Variants in KHDRBS2 observed in about 807,000 individuals in gnomAD.
KHDRBS2 encodes the protein KH domain-containing, RNA-binding, signal transduction-associated protein 2.
KHDRBS2 carries 26 observed loss-of-function variants against 44.3 expected under a neutral mutation model. That is an observed-to-expected ratio of 0.59 (90% confidence interval 0.43 to 0.81). KHDRBS2 has a LOEUF of 0.81. Ranked by LOEUF, KHDRBS2 falls within the 40% of genes least tolerant of loss-of-function variation. The pLI, the probability that KHDRBS2 is intolerant of heterozygous loss-of-function variation, is 0.00. For missense variants in KHDRBS2, 476 were observed against 433.1 expected, an observed-to-expected ratio of 1.10 and a Z score of -0.88; for synonymous variants, 194 against 151.1, an observed-to-expected ratio of 1.28 and a Z score of -2.08.
At chr6:62,063,563 T>C (rs1792644276) in intron 2 of KHDRBS2, among the ~76,000 whole-genome samples, 1 of 151,636 alleles carries the variant, frequency 6.6e-6, no homozygotes, top group African/African-American at 2.4e-5. Flanking sequence ...GAAAAAGCCT[T>C]TGACAAAATT....
intron 6 of KHDRBS2, among the ~76,000 whole-genome samples, chr6:61,848,568 T>C (rs1310602961): frequency 1.4e-5 from 1 of 72,456 alleles, no homozygotes; most frequent in Non-Finnish European, 2.7e-5. Context: ...TATATGTATA[T>C]ATATATACAT....
chr6:62,150,932 T>G (rs529633989), intron 2 of KHDRBS2, among the ~76,000 whole-genome samples: 2 of 152,320 alleles, frequency 1.3e-5, no homozygotes, highest in African/African-American at 4.8e-5. Context: ...TATTTATAAT[T>G]CATGTTTGAT....
chr6:62,070,585 C>T (rs901492828), intron 2 of KHDRBS2, among the ~76,000 whole-genome samples: 10 of 151,854 alleles, frequency 6.6e-5, no homozygotes, highest in Non-Finnish European at 1.0e-4. Context: ...TGAGAACACG[C>T]GGTGTTCGGT....
intron 6 of KHDRBS2, among the ~76,000 whole-genome samples, chr6:61,763,788 T>C (rs1454441489): frequency 6.6e-6 from 1 of 152,192 alleles, no homozygotes; most frequent in Non-Finnish European, 1.5e-5. Context: ...TCTGCACAAC[T>C]GGGCTGATAA....
At chr6:61,575,796 A>G in the KHDRBS2 span, among the ~76,000 whole-genome samples, 1 of 152,172 alleles carries the variant, frequency 6.6e-6, no homozygotes, top group Non-Finnish European at 1.5e-5. Flanking sequence ...AAATAATGGC[A>G]TCTGCAGCAA....
intron 2 of KHDRBS2, among the ~76,000 whole-genome samples, chr6:62,049,456 C>A (rs1242172660): frequency 8.7e-5 from 13 of 149,898 alleles, no homozygotes; most frequent in African/African-American, 2.4e-5. Flanking sequence ...TGAACCTAGG[C>A]TAGGAAGAGA....
chr6:62,123,643 C>A (rs1183857092), intron 2 of KHDRBS2, among the ~76,000 whole-genome samples: 1 of 152,158 alleles, frequency 6.6e-6, no homozygotes, highest in Admixed American at 6.5e-5. Context: ...ACTCAGCAAA[C>A]TACATTTGTT....
chr6:61,615,080 A>G, the KHDRBS2 span, among the ~76,000 whole-genome samples: 1 of 151,654 alleles, frequency 6.6e-6, no homozygotes, highest in South Asian at 2.1e-4. Flanking sequence ...TAAAAATACA[A>G]AAATTAGCCG....
At chr6:61,600,672 C>T in the KHDRBS2 span, among the ~76,000 whole-genome samples, 1 of 152,130 alleles carries the variant, frequency 6.6e-6, no homozygotes, top group Admixed American at 6.5e-5. Flanking sequence ...GGGACTTCTT[C>T]AGGAGATCAG....
chr6:61,902,963 G>T (rs1172072092), intron 4 of KHDRBS2, among the ~76,000 whole-genome samples: 6 of 152,124 alleles, frequency 3.9e-5, no homozygotes, highest in Non-Finnish European at 8.8e-5. Flanking sequence ...TTTATTTTTA[G>T]CATGTTGCTT....
At chr6:61,561,801 A>G in the KHDRBS2 span, among the ~76,000 whole-genome samples, 413 of 152,278 alleles carry the variant, frequency 2.7e-3, 2 homozygotes, top group African/African-American at 9.5e-3. Context: ...GTTTTGAGTC[A>G]GTCTACCAAT....
chr6:61,570,987 C>T, the KHDRBS2 span, among the ~76,000 whole-genome samples: 1 of 151,746 alleles, frequency 6.6e-6, no homozygotes, highest in African/African-American at 2.4e-5. Flanking sequence ...TCTCACAGGG[C>T]CTATAAAATA....
intron 6 of KHDRBS2, among the ~76,000 whole-genome samples, chr6:61,833,615 T>C (rs547582538): frequency 1.3e-5 from 2 of 151,628 alleles, no homozygotes; most frequent in African/African-American, 2.4e-5. Flanking sequence ...CCCCAGCATA[T>C]AGTTCTCCAT....
At chr6:61,777,734 T>C (rs1052036987) in intron 6 of KHDRBS2, among the ~76,000 whole-genome samples, 5 of 152,128 alleles carry the variant, frequency 3.3e-5, no homozygotes, top group African/African-American at 1.2e-4. Context: ...TAAAAACAGA[T>C]TCTTGATATC....
chr6:62,225,252 G>C (rs144143094), intron 1 of KHDRBS2, among the ~76,000 whole-genome samples: 1 of 152,230 alleles, frequency 6.6e-6, no homozygotes, highest in Non-Finnish European at 1.5e-5. Flanking sequence ...ACTGATCTTT[G>C]TGTGACAGTA....
chr6:61,596,204 G>A, the KHDRBS2 span, among the ~76,000 whole-genome samples: 1 of 152,138 alleles, frequency 6.6e-6, no homozygotes, highest in Non-Finnish European at 1.5e-5. Flanking sequence ...AGCCCAGCAG[G>A]CAGCCCTTAC....
rs191639769 is a variant in KHDRBS2, at chr6:61,771,158, G to T, written c.811-38394C>A. On this transcript the variant is annotated intron_variant, in intron 6 of 8. Transcript: ENST00000281156. ...TGCTGAGAGATTTTGTCACCACCAG[G>T]CCTGCCCTAAAAGAACTCCTGAAGG... 8.7e-3 allele frequency among the ~76,000 whole-genome samples: 1,328 copies of T among 152,242 alleles called. 17 individuals are homozygous for T. The highest frequency in any genetic ancestry group is 0.031 in the African/African-American group (1,279 of 41,542).
chr6:62,246,697 A>G (rs1191178148), intron 1 of KHDRBS2, among the ~76,000 whole-genome samples: 1 of 152,064 alleles, frequency 6.6e-6, no homozygotes, highest in African/African-American at 2.4e-5. Flanking sequence ...TTTCAGGGAA[A>G]TATATCTATA....
At chr6:61,555,757 C>T in the KHDRBS2 span, among the ~76,000 whole-genome samples, 2 of 152,110 alleles carry the variant, frequency 1.3e-5, no homozygotes. Context: ...AGTTGACTGG[C>T]TTCACTTCTG....
Sources: gnomAD v4.1 joint callset for allele counts (sites outside exome capture counted in the v4.1 genomes callset) on GRCh38, gnomAD v4.1.1 for gene constraint, MANE v1.5 for transcripts, NCBI Gene and HGNC (gene_info 2026-07-23, HGNC 2026-07-21) for gene names.